HCRTR1: variants seen among roughly 807,000 people sequenced by gnomAD.
HCRTR1 encodes orexin/Hypocretin receptor type 1.
HCRTR1 carries 28 observed loss-of-function variants against 40.6 expected under a neutral mutation model. The observed-to-expected ratio is 0.69, with a 90% CI of 0.51 to 0.95. HCRTR1 has a LOEUF of 0.95. HCRTR1 is among the 40% of genes least tolerant of loss of function. HCRTR1 has a pLI of 0.00. For missense variants in HCRTR1, 482 were observed against 564.7 expected, an observed-to-expected ratio of 0.85 and a Z score of 1.48; for synonymous variants, 209 against 230.0, an observed-to-expected ratio of 0.91 and a Z score of 0.83.
chr1:31,622,953 T>C (rs1460520822), intron 6 of HCRTR1, among the ~76,000 whole-genome samples: 1 of 152,154 alleles, frequency 6.6e-6, no homozygotes. Context: ...CTTTGAGTCT[T>C]AGTTGCCTCA....
At chr1:31,632,508 T>G, downstream of HCRTR1, 1 of 1,614,236 alleles carries the variant, frequency 6.2e-7, no homozygotes, top group Non-Finnish European at 8.5e-7. Flanking sequence ...GCTGCAGCTC[T>G]GTGTAGCTAA....
intron 2 of HCRTR1, 44 bp downstream of exon 2, chr1:31,618,860 G>T: frequency 2.8e-6 from 1 of 352,334 alleles, no homozygotes; most frequent in Non-Finnish European, 5.3e-6. Flanking sequence ...GGAAACCAAG[G>T]CTGAAAGAGG....
intron 4 of HCRTR1, 101 bp from the exon 5 acceptor site, chr1:31,620,742 G>A: frequency 1.4e-6 from 2 of 1,469,066 alleles, no homozygotes; most frequent in Non-Finnish European, 1.8e-6. Flanking sequence ...GTGGAGTCAG[G>A]ATTTGCACTG....
rs770155110 is a variant in HCRTR1 at position 31,620,929 on chromosome 1, G to A, written c.465G>A (p.Lys155=). The A allele has an allele frequency of 6.2e-7, 1 of 1,614,136 alleles. No homozygotes were observed. Among genetic ancestry groups the A allele is most frequent in the Non-Finnish European group, 8.5e-7 (1 of 1,180,030 alleles). Residue 155 remains lysine (K), a synonymous_variant, in exon 5 of 9, where the codon AAG becomes AAA. Coordinates refer to ENST00000403528, the MANE Select transcript of HCRTR1 (RefSeq NM_001525.3). ...WYAICHPLLF[K]STARRARGSI... ...CCATCTGCCACCCACTATTGTTCAAGAGCACAGCCCGGCGGGCCCGTGGCT... is the reference window on the plus strand; with the variant it reads ...CCATCTGCCACCCACTATTGTTCAAAAGCACAGCCCGGCGGGCCCGTGGCT...
intron 1 of HCRTR1, 181 bp downstream of exon 1, chr1:31,618,062 C>G (rs1639767682): frequency 1.3e-5 from 2 of 152,730 alleles, no homozygotes; most frequent in South Asian, 4.1e-4. Flanking sequence ...CTTCCCGGAG[C>G]CCCGCCAGCC....
At chr1:31,633,152 G>C, downstream of HCRTR1, 1 of 1,612,120 alleles carries the variant, frequency 6.2e-7, no homozygotes, top group Non-Finnish European at 8.5e-7. Context: ...GCAAGGCGGA[G>C]ACTCACTTAT....
intron 4 of HCRTR1, 142 bp downstream of exon 4, chr1:31,619,852 C>A: frequency 1.4e-6 from 1 of 731,616 alleles, no homozygotes; most frequent in Non-Finnish European, 2.2e-6. Context: ...TCCTCTGCTG[C>A]TAGCAAGGGC....
downstream of HCRTR1, chr1:31,633,133 G>T (rs1640159249): frequency 6.2e-7 from 1 of 1,602,856 alleles, no homozygotes; most frequent in Admixed American, 1.7e-5. Context: ...CCCCAGCTCA[G>T]GCCCAAGGGC....
In HCRTR1 at chr1:31,620,834, G is replaced by A. The variant is rs74679076; in HGVS notation, c.379-9G>A. 2.2e-4 allele frequency: 360 copies of A among 1,611,520 alleles called. 1 individual carries two copies. The highest frequency in any genetic ancestry group is 8.5e-4 in the Admixed American group (51 of 59,942). On this transcript the variant is annotated splice_polypyrimidine_tract_variant and intron_variant, in intron 4 of 8. Coordinates refer to ENST00000403528, the MANE Select transcript of HCRTR1 (RefSeq NM_001525.3). ...CCAAAATGACCGACGTTGTGTCCCC[G>A]TGGGGCAGGCTGTGTCCGTGTCAGT...
chr1:31,627,726 C>T, downstream of HCRTR1: 1 of 247,250 alleles, frequency 4.0e-6, no homozygotes, highest in Non-Finnish European at 8.1e-6. Context: ...CTCTTATCTG[C>T]TGACCTCCCA....
chr1:31,632,859 T>G (rs535982663), downstream of HCRTR1, among the ~76,000 whole-genome samples: 2 of 152,168 alleles, frequency 1.3e-5, no homozygotes, highest in Admixed American at 1.3e-4. Flanking sequence ...CAGAACTGCA[T>G]TTTCTCTGCA....
rs746566291 is a variant in HCRTR1, at chr1:31,620,979, C to T, written c.515C>T (p.Ser172Leu). The T allele has an allele frequency of 1.9e-6, 3 of 1,614,024 alleles. No homozygotes were observed. Among genetic ancestry groups the T allele is most frequent in the Non-Finnish European group, 2.5e-6 (3 of 1,180,034 alleles). The stretch of plus-strand genomic sequence containing the variant: ...TCCATCCTGGGCATCTGGGCTGTGT[C>T]GCTGGCCATCATGGTGCCCCAGGCT... ...RGSILGIWAVSLAIMVPQAAV... is the reference protein window; with the variant it reads ...RGSILGIWAVLLAIMVPQAAV... Residue 172 changes from serine to leucine, a missense_variant, in exon 5 of 9, where the codon TCG (serine) becomes TTG (leucine). Coordinates refer to ENST00000403528, the MANE Select transcript of HCRTR1 (RefSeq NM_001525.3).
chr1:31,630,939 G>A (rs1640083837), downstream of HCRTR1: 4 of 1,013,556 alleles, frequency 3.9e-6, no homozygotes, highest in Admixed American at 6.0e-5. Context: ...AAGGAACTTC[G>A]AGAGGATGGG....
In HCRTR1 at chr1:31,626,625, C is replaced by A. The variant is rs1039143903; in HGVS notation, c.1088-165C>A. ...CAGGGCTTCTGTCCTCTCTCTCTGG[C>A]GGTGCCGAGGTTGCCTCAGGGCTCT... On this transcript the variant is annotated intron_variant, in intron 8 of 8. Transcript: ENST00000403528. The surrounding 1 kb of genome is among the most constrained non-coding windows in gnomAD (Gnocchi z 4.6). 1.3e-5 allele frequency among the ~76,000 whole-genome samples: 2 copies of A among 152,070 alleles called. No individual in the cohort carries two copies. The highest frequency in any genetic ancestry group is 4.8e-5 in the African/African-American group (2 of 41,378).
chr1:31,629,656 A>G (rs1441395874), downstream of HCRTR1, among the ~76,000 whole-genome samples: 1 of 152,204 alleles, frequency 6.6e-6, no homozygotes, highest in South Asian at 2.1e-4. Context: ...ATAGACCTTC[A>G]GGCCATACTG....
chr1:31,619,733 T>G, intron 4 of HCRTR1, 23 bp downstream of exon 4: 1 of 1,567,952 alleles, frequency 6.4e-7, no homozygotes, highest in African/African-American at 1.3e-5. Context: ...CAGGCACCCC[T>G]CACCACTCCT....
In HCRTR1 at chr1:31,627,210, A is replaced by G. The variant is rs1348890601; in HGVS notation, c.*230A>G. On this transcript the variant is annotated 3_prime_UTR_variant, in exon 9 of 9. Transcript: ENST00000403528. ...TTGTAAACTGTGAAGTGTTGTGGAC[A>G]TGATTATTGTTGTACTTCTCTCATT... 2.7e-6 allele frequency: 4 copies of G among 1,497,278 alleles called. No individual in the cohort carries two copies. Among genetic ancestry groups the G allele is most frequent in the South Asian group, 2.5e-5 (2 of 80,386 alleles). The allele number at this position is 1,497,278 out of a possible 1,614,324, so 92.7% of individuals were successfully genotyped here.
chr1:31,620,717 C>A, intron 4 of HCRTR1, 126 bp from the exon 5 acceptor site: 1 of 1,246,978 alleles, frequency 8.0e-7, no homozygotes. Context: ...CCCACATTTA[C>A]ACAGCCAGTA....
rs1639811415 is a variant in HCRTR1, at chr1:31,619,678, C to T, written c.346C>T (p.His116Tyr). The T allele has an allele frequency of 6.2e-7, 1 of 1,610,734 alleles. No individual in the cohort carries two copies. The highest frequency in any genetic ancestry group is 8.5e-7 in the Non-Finnish European group (1 of 1,178,216). ...VDITESWLFGHALCKVIPYLQ... is the reference protein window; with the variant it reads ...VDITESWLFGYALCKVIPYLQ... ...CATCACTGAGTCCTGGCTGTTCGGC[C>T]ATGCCCTCTGCAAGGTCATCCCCTA... The change falls in exon 4 of 9, where the codon CAT (histidine) becomes TAT (tyrosine). Residue 116 changes from histidine (H) to tyrosine (Y), a missense_variant. By Grantham distance (83) the His-to-Tyr change is moderately conservative. Coordinates refer to ENST00000403528, the MANE Select transcript of HCRTR1 (RefSeq NM_001525.3).
Sources: gnomAD v4.1 joint callset for allele counts (sites outside exome capture counted in the v4.1 genomes callset) on GRCh38, gnomAD v4.1.1 for gene constraint, Gnocchi (gnomAD v3.1) non-coding constraint, MANE v1.5 for transcripts, NCBI Gene and HGNC (gene_info 2026-07-23, HGNC 2026-07-21) for gene names.